NAPB: variants seen among roughly 807,000 people sequenced by gnomAD.
NAPB encodes NSF attachment protein beta, also known as beta-soluble NSF attachment protein.
Under a neutral mutation model 44.7 loss-of-function variants are expected in NAPB, and 26 were observed. The ratio of observed to expected loss-of-function variants is 0.58; its 90% CI spans 0.43 to 0.81. The LOEUF (loss-of-function observed/expected upper bound fraction) is 0.81, where lower values mean the gene tolerates loss of function less well. Among genes scored for constraint, NAPB ranks in the 30% least tolerant of loss-of-function variants. NAPB has a pLI of 0.00. For synonymous variants in NAPB, 120 were observed against 116.8 expected (o/e 1.03, Z -0.18); for missense variants, 315 against 356.4 (o/e 0.88, Z 0.94).
chr20:23,379,145 G>A (rs950313670), intron 10 of NAPB: 1 of 265,282 alleles, frequency 3.8e-6, no homozygotes, highest in Non-Finnish European at 7.1e-6. Context: ...ACTTATTTAT[G>A]GGTCAGATTA....
chr20:23,413,105 T>C (rs1254279032), intron 1 of NAPB, among the ~76,000 whole-genome samples: 3 of 152,026 alleles, frequency 2.0e-5, no homozygotes, highest in African/African-American at 7.3e-5. Context: ...GAGACCATCC[T>C]GGGAAACACA....
intron 2 of NAPB, among the ~76,000 whole-genome samples, chr20:23,400,428 A>C (rs566795626): frequency 1.8e-4 from 28 of 152,246 alleles, no homozygotes; most frequent in Non-Finnish European, 2.6e-4. Context: ...AGGCAGGAGA[A>C]TCGCTTAAAC....
chr20:23,421,259 GT>G, intron 1 of NAPB, 45 bp downstream of exon 1: 1 of 1,388,192 alleles, frequency 7.2e-7, no homozygotes, highest in African/African-American at 2.8e-5. Flanking sequence ...AGGGGGCCAA[GT>G]ACGGAGACCC....
chr20:23,385,328 G>A (rs750842284), intron 7 of NAPB, among the ~76,000 whole-genome samples: 40 of 152,136 alleles, frequency 2.6e-4, no homozygotes, highest in Non-Finnish European at 5.0e-4. Flanking sequence ...TGATAAAAGG[G>A]TCTCTCCAGC....
In NAPB at chr20:23,421,468, C is replaced by T. The variant is rs1375885290; in HGVS notation, c.-66G>A. ...CTGTGCGCCCAGGCGCCTTAACCCT[C>T]CCTCTGGCGGCCGCAGGGACGCAGG... On this transcript the variant is annotated 5_prime_UTR_variant, in exon 1 of 11. Transcript: ENST00000377026. 1 of 1,424,304 alleles carries T rather than the reference C, an allele frequency of 7.0e-7. No individual in the cohort carries two copies. Among genetic ancestry groups the T allele is most frequent in the Non-Finnish European group, 9.4e-7 (1 of 1,062,914 alleles). 88.2% of individuals were successfully genotyped at this position (1,424,304 alleles called of 1,614,324 possible). A position where few individuals can be genotyped will look rare whatever the true frequency, so the allele number is the denominator to read the frequency against.
intron 10 of NAPB, among the ~76,000 whole-genome samples, chr20:23,378,449 A>G (rs1354737893): frequency 1.3e-5 from 2 of 149,630 alleles, no homozygotes; most frequent in East Asian, 3.9e-4. Flanking sequence ...TTATTTATTT[A>G]TTTATTTTTG....
In NAPB at chr20:23,421,422, A is replaced by ACAGCCCCCT. The variant is rs1467548534; in HGVS notation, c.-29_-21dup. 1 of 1,540,442 alleles carries ACAGCCCCCT rather than the reference A, an allele frequency of 6.5e-7. No individual in the cohort carries two copies. The highest frequency in any genetic ancestry group is 1.2e-5 in the South Asian group (1 of 83,450). ...GTCCATGTCGCCCGCCGCGGCCGCC[A>ACAGCCCCCT]CAGCCCCCTCAGCCGGCTCGCTGTG... On this transcript the variant is annotated 5_prime_UTR_variant, in exon 1 of 11. Coordinates refer to ENST00000377026, the MANE Select transcript of NAPB (RefSeq NM_022080.3).
In NAPB at chr20:23,404,989, G is replaced by T. The variant is rs559499233; in HGVS notation, c.99-1917C>A. ...TATAACCCAGCAATTCCATTCCTAG[G>T]TACACACCCAAGAGAAATTAAAACA... On this transcript the variant is annotated intron_variant, in intron 1 of 10. Coordinates refer to ENST00000377026, the MANE Select transcript of NAPB (RefSeq NM_022080.3). 1.2e-4 allele frequency among the ~76,000 whole-genome samples: 19 copies of T among 152,262 alleles called. No individual in the cohort carries two copies. In the South Asian group the frequency reaches 3.1e-3, roughly 25 times the overall value.
At chr20:23,381,663 T>A (rs550126544) in intron 7 of NAPB, among the ~76,000 whole-genome samples, 77 of 152,224 alleles carry the variant, frequency 5.1e-4, no homozygotes, top group African/African-American at 1.8e-3. Flanking sequence ...TTCCCTCAGT[T>A]TTCTTTTCCC....
Position 23,377,098 on chromosome 20 carries a change from T to C in NAPB, c.*278A>G, listed in dbSNP as rs1333959628. ...CAACATTAAACATAGGCTCCACAAA[T>C]ACCAATGAAATATGAGGAATGAGAT... On this transcript the variant is annotated 3_prime_UTR_variant, in exon 11 of 11. Transcript: ENST00000377026. 3 of 216,522 alleles carry C rather than the reference T, an allele frequency of 1.4e-5. No homozygotes were observed. The highest frequency in any genetic ancestry group is 2.3e-5 in the African/African-American group (1 of 44,238). 13.4% of individuals were successfully genotyped at this position (216,522 alleles called of 1,614,324 possible).
At chr20:23,388,633 G>T (rs1012559626) in intron 7 of NAPB, among the ~76,000 whole-genome samples, 3 of 151,828 alleles carry the variant, frequency 2.0e-5, no homozygotes, top group African/African-American at 4.8e-5. Context: ...TTTCAATAAG[G>T]GTCTTAATAC....
chr20:23,377,327 A>C lies in NAPB; in HGVS notation c.*49T>G. The C allele has an allele frequency of 7.8e-7, 1 of 1,280,792 alleles. No individual in the cohort carries two copies. Among genetic ancestry groups the C allele is most frequent in the Non-Finnish European group, 1.1e-6 (1 of 907,176 alleles). The allele number at this position is 1,280,792 out of a possible 1,614,324, so 79.3% of individuals were successfully genotyped here. On this transcript the variant is annotated 3_prime_UTR_variant, in exon 11 of 11. Transcript: ENST00000377026. ...ATCCCATAAAGATCACTTGACCCTAAGACAAAACTAAAGAGGAGTTAGCTG... is the reference window on the plus strand; with the variant it reads ...ATCCCATAAAGATCACTTGACCCTACGACAAAACTAAAGAGGAGTTAGCTG...
chr20:23,389,205 T>G (rs1194629810), intron 7 of NAPB, among the ~76,000 whole-genome samples: 1 of 143,130 alleles, frequency 7.0e-6, no homozygotes, highest in Non-Finnish European at 1.5e-5. Context: ...AGACAACATT[T>G]CACACTCATT....
At chr20:23,395,032 G>T (rs989903840) in intron 4 of NAPB, 33 bp from the exon 5 acceptor site, 14 of 1,612,550 alleles carry the variant, frequency 8.7e-6, no homozygotes, top group Non-Finnish European at 1.1e-5. Flanking sequence ...GTCACACACC[G>T]ATTTTACCTA....
chr20:23,403,161 G>T, intron 1 of NAPB, 89 bp from the exon 2 acceptor site: 2 of 891,222 alleles, frequency 2.2e-6, no homozygotes, highest in Non-Finnish European at 3.5e-6. Flanking sequence ...GTATATACTT[G>T]CTATGTGCCA....
chr20:23,418,598 A>G (rs915980630), intron 1 of NAPB, among the ~76,000 whole-genome samples: 1 of 152,200 alleles, frequency 6.6e-6, no homozygotes, highest in Non-Finnish European at 1.5e-5. Flanking sequence ...TCACACTTGC[A>G]TGGTACATTA....
At chr20:23,390,074 A>AAAAT (rs762524340) in intron 6 of NAPB, 44 bp from the exon 7 acceptor site, 1 of 1,599,376 alleles carries the variant, frequency 6.3e-7, no homozygotes, top group South Asian at 1.1e-5. Flanking sequence ...AGTCAATGGA[A>AAAAT]AAATAAAAGA....
At chr20:23,416,796 C>T (rs976293985) in intron 1 of NAPB, among the ~76,000 whole-genome samples, 2 of 152,150 alleles carry the variant, frequency 1.3e-5, no homozygotes, top group Admixed American at 6.5e-5. Flanking sequence ...TATGTTATCA[C>T]ATGGCCCCAC....
chr20:23,386,266 A>C (rs1285089424), intron 7 of NAPB, among the ~76,000 whole-genome samples: 1 of 152,240 alleles, frequency 6.6e-6, no homozygotes, highest in East Asian at 1.9e-4. Context: ...AAAAAGAGCA[A>C]AACAAATCCA....
Sources: allele counts gnomAD v4.1 joint callset (sites outside exome capture counted in the v4.1 genomes callset), GRCh38; gene constraint gnomAD v4.1.1; transcripts MANE v1.5; gene names NCBI Gene and HGNC (gene_info 2026-07-23, HGNC 2026-07-21).